The following ARR3 variants were observed in gnomAD, a reference collection of about 807,000 sequenced individuals.
ARR3 encodes arrestin-C.
ARR3 carries 14 observed loss-of-function variants against 35.4 expected under a neutral mutation model. That is an observed-to-expected ratio of 0.40 (90% confidence interval 0.26 to 0.62). The LOEUF (loss-of-function observed/expected upper bound fraction) is 0.62. ARR3 is among the 20% of genes least tolerant of loss of function. The pLI is 0.46. For missense variants in ARR3, 259 were observed against 303.8 expected, an observed-to-expected ratio of 0.85 and a Z score of 1.10; for synonymous variants, 97 against 119.1, an observed-to-expected ratio of 0.81 and a Z score of 1.21.
intron 15 of ARR3, 126 bp downstream of exon 15, chrX:70,280,944 T>C (rs2085679034): frequency 1.1e-6 from 1 of 896,747 alleles, no homozygotes; most frequent in African/African-American, 2.2e-5. Flanking sequence ...AGGCTGGGTG[T>C]CTAGGTATTC....
At chrX:70,271,661 G>T (rs1312417480) in intron 5 of ARR3, among the ~76,000 whole-genome samples, 1 of 111,850 alleles carries the variant, frequency 8.9e-6, no homozygotes, top group Non-Finnish European at 1.9e-5. Context: ...AATACCTAAG[G>T]TGGCCTTGTG....
intron 5 of ARR3, among the ~76,000 whole-genome samples, chrX:70,270,636 C>T (rs76772682): frequency 1.8e-5 from 2 of 110,249 alleles, no homozygotes; most frequent in Non-Finnish European, 3.8e-5. Flanking sequence ...CAGCAACTCA[C>T]TAAAAGACTT....
At position 70,269,824 on chromosome X, in the gene ARR3, G is replaced by T; in HGVS notation, c.40-19G>T. On this transcript the variant is annotated intron_variant, in intron 3 of 16. Coordinates refer to ENST00000307959, the MANE Select transcript of ARR3 (RefSeq NM_004312.3). The stretch of plus-strand genomic sequence containing the variant: ...CAAAAATGATTGTGAGAATAACATG[G>T]GAAGTTGTTCCACAACAGCTCTCCA... The T allele has an allele frequency of 8.3e-7, 1 of 1,205,046 alleles. No homozygotes were observed. Among genetic ancestry groups the T allele is most frequent in the Non-Finnish European group, 1.1e-6 (1 of 891,844 alleles).
At chrX:70,280,119 C>A in intron 12 of ARR3, 76 bp from the exon 13 acceptor site, 1 of 931,671 alleles carries the variant, frequency 1.1e-6, no homozygotes, top group Non-Finnish European at 1.5e-6. Context: ...GATAGGAATG[C>A]ATGAGAAGAA....
intron 13 of ARR3, 89 bp from the exon 14 acceptor site, chrX:70,280,470 T>C: frequency 9.5e-7 from 1 of 1,056,266 alleles, no homozygotes; most frequent in Non-Finnish European, 1.3e-6. Flanking sequence ...GCTGGCTCAT[T>C]AGGTCTTATG....
chrX:70,274,305 G>A (rs775111958), intron 5 of ARR3, among the ~76,000 whole-genome samples: 1 of 107,217 alleles, frequency 9.3e-6, no homozygotes, highest in Admixed American at 1.0e-4. Flanking sequence ...GAGTTCAAGC[G>A]ATTCTCCTGC....
intron 5 of ARR3, among the ~76,000 whole-genome samples, chrX:70,270,730 T>A (rs2085626827): frequency 9.1e-6 from 1 of 110,407 alleles, no homozygotes; most frequent in African/African-American, 3.3e-5. Flanking sequence ...TAACCTCTGG[T>A]ATACGTCTTT....
In ARR3 at chrX:70,277,463, C is replaced by A; in HGVS notation, c.543C>A (p.Ala181=). The A allele has an allele frequency of 8.3e-7, 1 of 1,211,582 alleles. No homozygotes were observed. Among genetic ancestry groups the A allele is most frequent in the South Asian group, 1.8e-5 (1 of 56,855 alleles). ...CGGAGGCAGGCCCTGGCCCCTCAGC[C>A]CAGACCATCCGCCGCTTCCTTCTGT... ...APPEAGPGPS[A]QTIRRFLLSA... Residue 181 remains alanine (A), a synonymous_variant, in exon 9 of 17, where the codon GCC becomes GCA. Transcript: ENST00000307959.
In ARR3 at chrX:70,280,576, C is replaced by T. The variant is rs769024195; in HGVS notation, c.1007C>T (p.Thr336Ile). Residue 336 changes from threonine (T) to isoleucine (I), a missense_variant, in exon 14 of 17, where the codon ACA (threonine) becomes ATA (isoleucine). Thr to Ile is a moderately conservative substitution (Grantham distance 89, BLOSUM62 -1). Coordinates refer to ENST00000307959, the MANE Select transcript of ARR3 (RefSeq NM_004312.3). ...ACCCACAGCATCCTAGGAGACCTGACAGCCAGGTGAGAGACTGTGGGGTGG... is the reference window on the plus strand; with the variant it reads ...ACCCACAGCATCCTAGGAGACCTGATAGCCAGGTGAGAGACTGTGGGGTGG... ...VSCGGILGDL[T>I]ASDVGVELPL... 5 of 1,203,053 alleles carry T rather than the reference C, an allele frequency of 4.2e-6. No individual in the cohort carries two copies. The Admixed American group carries it at 1.1e-4, about 27-fold the overall frequency.
rs950020736 is a variant in ARR3, at chrX:70,269,872, C to T, written c.69C>T (p.Phe23=). The T allele has an allele frequency of 1.5e-5, 18 of 1,207,195 alleles. No homozygotes were observed. The highest frequency in any genetic ancestry group is 2.2e-5 in the Admixed American group (1 of 45,533). The change falls in exon 4 of 17, where the codon TTC becomes TTT. Residue 23 remains phenylalanine (F), a synonymous_variant. Transcript: ENST00000307959. ...CCATCTACCTGGGGAAACGGGACTT[C>T]GTGGACCATGTGGACACGGTGGAAC... The part of the protein sequence containing the change: ...KLSIYLGKRD[F]VDHVDTVEPI...
chrX:70,268,725 G>T (rs1352041865), intron 1 of ARR3, among the ~76,000 whole-genome samples: 3 of 112,249 alleles, frequency 2.7e-5, no homozygotes, highest in African/African-American at 9.7e-5. Flanking sequence ...CCTCCATAGA[G>T]ACTTCTGTCA....
chrX:70,268,735 A>G (rs2147636528), intron 1 of ARR3, among the ~76,000 whole-genome samples: 1 of 112,427 alleles, frequency 8.9e-6, no homozygotes, highest in South Asian at 3.7e-4. Context: ...GACTTCTGTC[A>G]CCAAAAACTG....
At chrX:70,281,067 AT>A in intron 15 of ARR3, 31 bp from the exon 16 acceptor site, 1 of 1,205,799 alleles carries the variant, frequency 8.3e-7, no homozygotes. Context: ...CTTCAGCTCC[AT>A]TTTTTCCCTC....
chrX:70,279,921 G>A (rs1162695533), intron 12 of ARR3, among the ~76,000 whole-genome samples: 1 of 111,763 alleles, frequency 8.9e-6, no homozygotes, highest in Non-Finnish European at 1.9e-5. Flanking sequence ...AGAGAGGCTA[G>A]ATAGGGCAAG....
chrX:70,281,124 A>T lies in ARR3; in HGVS notation c.1076+16A>T. On this transcript the variant is annotated intron_variant, in intron 16 of 16. Transcript: ENST00000307959. ...AGGCCGCTAGGTAATGGAATACAAG[A>T]TTGGGAAGCCCCATTCCCCTCTTCC... 2 of 1,209,006 alleles carry T rather than the reference A, an allele frequency of 1.7e-6. No homozygotes were observed. Among genetic ancestry groups the T allele is most frequent in the Non-Finnish European group, 2.2e-6 (2 of 894,245 alleles).
At position 70,278,106 on chromosome X, in the gene ARR3, G is replaced by A. The variant is rs1455115594; in HGVS notation, c.735G>A (p.Lys245=). The stretch of plus-strand genomic sequence containing the variant: ...ATGTTGTCCTGTATTCACTAGACAA[G>A]TACACCAAGACTGTGTTCATTCAGG... ...ITDVVLYSLD[K]YTKTVFIQEF... The change falls in exon 11 of 17, where the codon AAG becomes AAA. Residue 245 remains lysine, a synonymous_variant. Transcript: ENST00000307959. 8.3e-7 allele frequency: 1 copy of A among 1,210,519 alleles called. No homozygotes were observed. The highest frequency in any genetic ancestry group is 2.2e-5 in the Admixed American group (1 of 45,935).
chrX:70,271,730 A>T (rs778524552), intron 5 of ARR3, among the ~76,000 whole-genome samples: 3 of 112,422 alleles, frequency 2.7e-5, no homozygotes, highest in Non-Finnish European at 3.8e-5. Flanking sequence ...AACAGTAGTT[A>T]TCTGTGGAAC....
At position 70,280,786 on chromosome X, in the gene ARR3, C is replaced by A. The variant is rs772688479; in HGVS notation, c.1034C>A (p.Pro345His). ...TGCAGCGATGTTGGTGTGGAGCTAC[C>A]CTTGGTCCTGATCCATCCGAAGCCA... ...LTASDVGVEL[P>H]LVLIHPKPSH... The change falls in exon 15 of 17, where the codon CCC (proline) becomes CAC (histidine). Residue 345 changes from proline (P) to histidine (H), a missense_variant. Physicochemically the swap from Pro to His is moderately conservative, Grantham distance 77 (BLOSUM62 -2). Transcript: ENST00000307959. 4.7e-5 allele frequency: 57 copies of A among 1,209,226 alleles called. No homozygotes were observed. The highest frequency in any genetic ancestry group is 4.8e-5 in the Non-Finnish European group (43 of 895,043).
Position 70,272,833 on chromosome X carries a change from A to G in ARR3, c.145+2689A>G, listed in dbSNP as rs144825142. Among the ~76,000 whole-genome samples, 69 of 112,597 alleles carry G rather than the reference A, an allele frequency of 6.1e-4. No homozygotes were observed. The East Asian group carries it at 0.017, about 28-fold the overall frequency. On this transcript the variant is annotated intron_variant, in intron 5 of 16. Transcript: ENST00000307959. The stretch of plus-strand genomic sequence containing the variant: ...TTCTCATTCTCAATTTTAAAAGCAA[A>G]TAATCTGGTGTTTGATGTTTTGAGT...
Sources: allele counts gnomAD v4.1 joint callset (sites outside exome capture counted in the v4.1 genomes callset), GRCh38; gene constraint gnomAD v4.1.1; transcripts MANE v1.5; gene names NCBI Gene and HGNC (gene_info 2026-07-23, HGNC 2026-07-21).